Variants in KDM3B observed in about 807,000 individuals in gnomAD.
The protein encoded by KDM3B is lysine demethylase 3B, also known as lysine-specific demethylase 3B.
In KDM3B, 10 loss-of-function variants were observed where a neutral mutation model predicts 170.0. That is an observed-to-expected ratio of 0.06 (90% confidence interval 0.04 to 0.10). KDM3B has a LOEUF of 0.10. Ranked by LOEUF, KDM3B falls within the 10% of genes least tolerant of loss-of-function variation. KDM3B has a pLI of 1.00. For synonymous variants in KDM3B, 831 were observed against 834.8 expected (o/e 1.00, Z 0.08); for missense variants, 1,394 against 2,195.2 (o/e 0.64, Z 7.29).
intron 15 of KDM3B, 114 bp downstream of exon 15, chr5:138,421,076 C>CT: frequency 8.3e-7 from 1 of 1,201,692 alleles, no homozygotes; most frequent in Non-Finnish European, 1.2e-6. Flanking sequence ...CATTGTCAAG[C>CT]TGACAAGGTC....
chr5:138,392,460 G>A (rs890615247), intron 8 of KDM3B, among the ~76,000 whole-genome samples, 199 bp downstream of exon 8: 1 of 152,234 alleles, frequency 6.6e-6, no homozygotes, highest in African/African-American at 2.4e-5. Flanking sequence ...ACTGTAGGAG[G>A]AGTATCTGTC....
chr5:138,424,506 G>A (rs1325923268), intron 16 of KDM3B, among the ~76,000 whole-genome samples, 165 bp downstream of exon 16: 1 of 152,164 alleles, frequency 6.6e-6, no homozygotes, highest in African/African-American at 2.4e-5. Context: ...GCAAGGAGAT[G>A]GCCAGGCACT....
chr5:138,435,136 G>A (rs573712183), intron 23 of KDM3B, among the ~76,000 whole-genome samples: 2 of 152,186 alleles, frequency 1.3e-5, no homozygotes, highest in South Asian at 4.1e-4. Context: ...ATATAAGCAC[G>A]AAGGGAAAAA....
Position 138,430,430 on chromosome 5 carries a change from G to T in KDM3B, c.5070+5G>T, listed in dbSNP as rs764470594. The T allele has an allele frequency of 5.0e-6, 8 of 1,612,666 alleles. No individual in the cohort carries two copies. In the South Asian group the frequency reaches 7.7e-5, roughly 15 times the overall value. On this transcript the variant is annotated splice_donor_5th_base_variant and intron_variant, in intron 22 of 23. Transcript: ENST00000314358. ...CCTGCTGGAGCCCCACACCAGGTGG[G>T]TTCCTGCTTGGGGGTTGGGCTGAAC...
intron 15 of KDM3B, among the ~76,000 whole-genome samples, chr5:138,423,579 C>G (rs1053585448): frequency 1.3e-5 from 2 of 152,174 alleles, no homozygotes; most frequent in African/African-American, 4.8e-5. Flanking sequence ...TGTACTTCCT[C>G]TTGGACACTC....
intron 11 of KDM3B, among the ~76,000 whole-genome samples, chr5:138,413,980 T>C (rs937772183): frequency 6.6e-6 from 1 of 152,038 alleles, no homozygotes; most frequent in African/African-American, 2.4e-5. Context: ...CACCAGCTGA[T>C]GAATAGATAA....
At chr5:138,362,395 G>A (rs945155187) in intron 1 of KDM3B, among the ~76,000 whole-genome samples, 3 of 151,974 alleles carry the variant, frequency 2.0e-5, no homozygotes, top group Admixed American at 1.3e-4. Flanking sequence ...GAGACTGGAG[G>A]TCTATATCAC....
At chr5:138,376,427 A>G (rs1273684860) in intron 3 of KDM3B, among the ~76,000 whole-genome samples, 2 of 151,798 alleles carry the variant, frequency 1.3e-5, no homozygotes, top group East Asian at 3.9e-4. Flanking sequence ...GGCTTCGGCC[A>G]GGCGCGGTGG....
chr5:138,383,417 GCGAA>G (rs34299757), intron 6 of KDM3B, among the ~76,000 whole-genome samples: 45,011 of 151,874 alleles, frequency 0.3, 7,463 homozygotes, highest in East Asian at 0.57. Flanking sequence ...GTTTACAGGC[GCGAA>G]CGAACCACCA....
chr5:138,414,763 C>A (rs537311619), intron 11 of KDM3B, among the ~76,000 whole-genome samples: 1 of 152,120 alleles, frequency 6.6e-6, no homozygotes. Flanking sequence ...GGAGACCAGC[C>A]TGGGCAACAT....
At position 138,420,839 on chromosome 5, in the gene KDM3B, C is replaced by T; in HGVS notation, c.3849C>T (p.Ala1283=). The change falls in exon 15 of 24, where the codon GCC becomes GCT. Residue 1283 remains alanine, a synonymous_variant. Coordinates refer to ENST00000314358, the MANE Select transcript of KDM3B (RefSeq NM_016604.4). ...ACAGTCTGTTGCTGGGTCCCACTGC[C>T]TCCAACAACAAAACCGAAGGGTCTA... ...LFNSLLLGPT[A]SNNKTEGSSL... The T allele has an allele frequency of 1.2e-6, 2 of 1,614,184 alleles. No individual in the cohort carries two copies.
At chr5:138,428,483 T>A (rs1437550484) in intron 20 of KDM3B, among the ~76,000 whole-genome samples, 1 of 152,192 alleles carries the variant, frequency 6.6e-6, no homozygotes, top group Non-Finnish European at 1.5e-5. Context: ...AGTGCTGGGA[T>A]TACAGGCGTC....
intron 6 of KDM3B, among the ~76,000 whole-genome samples, chr5:138,385,648 TATGTA>T: frequency 6.6e-6 from 1 of 152,238 alleles, no homozygotes; most frequent in Non-Finnish European, 1.5e-5. Flanking sequence ...AGGAGGTAAA[TATGTA>T]ATAAAGTGAG....
At chr5:138,366,861 A>C (rs1453949694) in intron 1 of KDM3B, among the ~76,000 whole-genome samples, 1 of 152,062 alleles carries the variant, frequency 6.6e-6, no homozygotes, top group Non-Finnish European at 1.5e-5. Flanking sequence ...ACGAAAGAAC[A>C]CTCCTGGCCA....
In KDM3B at chr5:138,413,392, A is replaced by G. The variant is rs371962579; in HGVS notation, c.3200-1740A>G. 3.0e-4 allele frequency among the ~76,000 whole-genome samples: 46 copies of G among 152,142 alleles called. No individual in the cohort carries two copies. In the East Asian group the frequency reaches 8.9e-3, roughly 29 times the overall value. On this transcript the variant is annotated intron_variant, in intron 11 of 23. Transcript: ENST00000314358. Reference sequence around the variant, plus strand: ...AGCGAGACTCCATCTCAAAAAAAAAAAAAGAAAACCGGACAGTATCAAGTA... The same window carrying G: ...AGCGAGACTCCATCTCAAAAAAAAAGAAAGAAAACCGGACAGTATCAAGTA...
intron 1 of KDM3B, among the ~76,000 whole-genome samples, chr5:138,357,748 G>A (rs918175936): frequency 2.6e-5 from 4 of 151,774 alleles, no homozygotes; most frequent in African/African-American, 9.7e-5. Flanking sequence ...TTGAGACGGA[G>A]TCTCACTCTT....
chr5:138,380,961 G>A (rs972033715), intron 5 of KDM3B, among the ~76,000 whole-genome samples: 4 of 150,994 alleles, frequency 2.6e-5, no homozygotes, highest in East Asian at 1.9e-4. Context: ...TGCAACCTCC[G>A]CCTCCCAGGT....
At chr5:138,407,195 A>G (rs1352504219) in intron 11 of KDM3B, among the ~76,000 whole-genome samples, 1 of 152,006 alleles carries the variant, frequency 6.6e-6, no homozygotes. Flanking sequence ...CATGTTGGTC[A>G]GGCAGGTTTC....
chr5:138,415,898 G>A (rs936002155), intron 12 of KDM3B, among the ~76,000 whole-genome samples: 2 of 152,096 alleles, frequency 1.3e-5, no homozygotes, highest in African/African-American at 4.8e-5. Flanking sequence ...CAGTGCCTAG[G>A]CTTTCAGAAA....
Sources: allele counts gnomAD v4.1 joint callset (sites outside exome capture counted in the v4.1 genomes callset), GRCh38; gene constraint gnomAD v4.1.1; transcripts MANE v1.5; gene names NCBI Gene and HGNC (gene_info 2026-07-23, HGNC 2026-07-21).